Variants in HIGD1C observed in about 807,000 individuals in gnomAD.
HIGD1C encodes the protein HIG1 hypoxia inducible domain family member 1C, also known as HIG1 domain family member 1C.
In HIGD1C, 11 loss-of-function variants were observed where a neutral mutation model predicts 13.1. The ratio of observed to expected loss-of-function variants is 0.84; its 90% CI spans 0.53 to 1.39. HIGD1C has a LOEUF of 1.39. Ranked by LOEUF, HIGD1C falls within the 40% of genes most tolerant of loss-of-function variation. The pLI, the probability that HIGD1C is intolerant of heterozygous loss-of-function variation, is 0.00. For synonymous variants in HIGD1C, 36 were observed against 37.7 expected, an observed-to-expected ratio of 0.95 and a Z score of 0.17; for missense variants, 110 against 112.0, an observed-to-expected ratio of 0.98 and a Z score of 0.08.
the HIGD1C span, among the ~76,000 whole-genome samples, chr12:50,932,853 G>A: frequency 2.0e-5 from 3 of 152,182 alleles, no homozygotes; most frequent in Non-Finnish European, 4.4e-5. Flanking sequence ...CAGTGAGGTC[G>A]AATGCACACC....
upstream of HIGD1C, chr12:50,949,375 G>A: frequency 6.6e-6 from 1 of 152,168 alleles, no homozygotes; most frequent in African/African-American, 2.4e-5. Flanking sequence ...TTCTGGACCT[G>A]CTCAGAGGCT....
chr12:50,948,862 A>G, the HIGD1C span, among the ~76,000 whole-genome samples: 6 of 15,680 alleles, frequency 3.8e-4, no homozygotes, highest in African/African-American at 1.5e-3. Context: ...CAGAGCGAGG[A>G]GGAGGGGGGA....
At chr12:50,958,849 T>C (rs1205380294) in intron 1 of HIGD1C, among the ~76,000 whole-genome samples, 3 of 151,240 alleles carry the variant, frequency 2.0e-5, no homozygotes, top group Middle Eastern at 3.2e-3. Context: ...AGACATCATC[T>C]CTACTAAAAA....
the HIGD1C span, chr12:50,940,137 G>A: frequency 1.3e-5 from 2 of 152,116 alleles, no homozygotes; most frequent in African/African-American, 2.4e-5. Flanking sequence ...CTAACAAAAA[G>A]TTCAGCACCC....
the HIGD1C span, among the ~76,000 whole-genome samples, chr12:50,937,475 TCTGGA>T: frequency 1.3e-3 from 195 of 152,276 alleles, 5 homozygotes; most frequent in East Asian, 0.034. Context: ...AGCCCTTAGA[TCTGGA>T]CTCCCAGAAG....
the HIGD1C span, among the ~76,000 whole-genome samples, chr12:50,943,170 G>A: frequency 6.6e-6 from 1 of 151,970 alleles, no homozygotes; most frequent in Non-Finnish European, 1.5e-5. Flanking sequence ...CAATCAAGAT[G>A]CAGTTTCTAA....
chr12:50,964,525 G>C (rs1055208288), intron 2 of HIGD1C, among the ~76,000 whole-genome samples: 3 of 152,114 alleles, frequency 2.0e-5, no homozygotes, highest in Admixed American at 6.6e-5. Flanking sequence ...TGAACTAAAG[G>C]GATGTCCTGT....
the HIGD1C span, among the ~76,000 whole-genome samples, chr12:50,948,312 A>C: frequency 6.6e-6 from 1 of 152,172 alleles, no homozygotes; most frequent in Admixed American, 6.5e-5. Flanking sequence ...GTTCAATTTC[A>C]CTCATAATAC....
At chr12:50,969,458 A>G (rs11169639) in intron 2 of HIGD1C, among the ~76,000 whole-genome samples, 23,141 of 151,758 alleles carry the variant, frequency 0.15, 1,946 homozygotes, top group South Asian at 0.27. Flanking sequence ...CCAGCACTTT[A>G]GGAGGCCAAG....
upstream of HIGD1C, among the ~76,000 whole-genome samples, chr12:50,950,576 C>T (rs113375370): frequency 3.9e-5 from 6 of 152,018 alleles, no homozygotes; most frequent in African/African-American, 1.2e-4. Context: ...AATCTTGGCT[C>T]GTTGCAACCT....
chr12:50,970,972 A>C (rs1939741066), downstream of HIGD1C, among the ~76,000 whole-genome samples: 1 of 152,062 alleles, frequency 6.6e-6, no homozygotes, highest in Admixed American at 6.6e-5. Context: ...TCTGCCTCTC[A>C]GGTTCAAGTG....
chr12:50,948,474 C>T, the HIGD1C span, among the ~76,000 whole-genome samples: 14 of 152,186 alleles, frequency 9.2e-5, no homozygotes, highest in South Asian at 2.9e-3. Flanking sequence ...TATATTAAAA[C>T]CTTGTAGGGA....
At position 50,963,846 on chromosome 12, in the gene HIGD1C, A is replaced by T. The variant is rs1460413974; in HGVS notation, c.229+2744A>T. Among the ~76,000 whole-genome samples the T allele has an allele frequency of 3.3e-5, 5 of 152,240 alleles. 1 individual carries two copies. Among genetic ancestry groups the T allele is most frequent in the Admixed American group, 3.3e-4 (5 of 15,284 alleles). The stretch of plus-strand genomic sequence containing the variant: ...TACAGGCTACTTCAACTGACATAAT[A>T]TAAGCCTACCACTGTCCAGCCCTTG... On this transcript the variant is annotated intron_variant, in intron 2 of 2. Transcript: ENST00000398455.
chr12:50,963,833 C>G (rs567672402), intron 2 of HIGD1C, among the ~76,000 whole-genome samples: 62 of 152,196 alleles, frequency 4.1e-4, no homozygotes, highest in Non-Finnish European at 7.2e-4. Context: ...CAGGCTACTT[C>G]AACTGACATA....
the HIGD1C span, among the ~76,000 whole-genome samples, chr12:50,942,051 T>C: frequency 6.6e-6 from 1 of 152,104 alleles, no homozygotes; most frequent in Non-Finnish European, 1.5e-5. Context: ...AGGCTAATTT[T>C]TTTGTATTTT....
chr12:50,950,980 G>A (rs926692717), upstream of HIGD1C, among the ~76,000 whole-genome samples: 9 of 149,878 alleles, frequency 6.0e-5, no homozygotes, highest in South Asian at 2.1e-4. Context: ...CACCGCGCCC[G>A]GCCATAAGTT....
the HIGD1C span, among the ~76,000 whole-genome samples, chr12:50,945,081 T>A: frequency 1.3e-5 from 2 of 152,170 alleles, no homozygotes; most frequent in African/African-American, 2.4e-5. Flanking sequence ...ATGGGACGTA[T>A]CTCAAAATAA....
chr12:50,970,862 T>C (rs1939735363), downstream of HIGD1C, among the ~76,000 whole-genome samples: 1 of 148,850 alleles, frequency 6.7e-6, no homozygotes, highest in Admixed American at 6.7e-5. Context: ...TACAGAAGAC[T>C]TCTCTTTTCT....
chr12:50,970,561 G>A, downstream of HIGD1C: 5 of 1,107,110 alleles, frequency 4.5e-6, no homozygotes, highest in Non-Finnish European at 6.6e-6. Flanking sequence ...TATTTATTAT[G>A]AAGAATAAAT....
Sources: gnomAD v4.1 joint callset for allele counts (sites outside exome capture counted in the v4.1 genomes callset) on GRCh38, gnomAD v4.1.1 for gene constraint, MANE v1.5 for transcripts, NCBI Gene and HGNC (gene_info 2026-07-23, HGNC 2026-07-21) for gene names.